TBC1D2B: variants seen among roughly 807,000 people sequenced by gnomAD.
TBC1D2B encodes TBC1 domain family, member 2B.
In TBC1D2B, 64 loss-of-function variants were observed where a neutral mutation model predicts 100.8. The ratio of observed to expected loss-of-function variants is 0.64; its 90% CI spans 0.52 to 0.78. The LOEUF is 0.78. TBC1D2B is among the 30% of genes least tolerant of loss of function. The pLI is 0.00. For synonymous variants in TBC1D2B, 480 were observed against 479.7 expected, an observed-to-expected ratio of 1.00 and a Z score of -0.01; for missense variants, 1,052 against 1,218.4, an observed-to-expected ratio of 0.86 and a Z score of 2.03.
At chr15:78,044,102 T>C (rs1422790260) in intron 3 of TBC1D2B, among the ~76,000 whole-genome samples, 1 of 150,466 alleles carries the variant, frequency 6.6e-6, no homozygotes. Flanking sequence ...CGGCTGAGGG[T>C]TGACAGAGGA....
chr15:78,050,665 T>C (rs1596325043), intron 2 of TBC1D2B, among the ~76,000 whole-genome samples: 1 of 152,168 alleles, frequency 6.6e-6, no homozygotes, highest in African/African-American at 2.4e-5. Flanking sequence ...CAGAAGACAA[T>C]GTAGAATGGT....
At chr15:78,075,123 A>G (rs1384834832) in intron 1 of TBC1D2B, among the ~76,000 whole-genome samples, 1 of 152,210 alleles carries the variant, frequency 6.6e-6, no homozygotes, top group Non-Finnish European at 1.5e-5. Context: ...CTTCAAGTTC[A>G]AGTCCATCGA....
intron 1 of TBC1D2B, among the ~76,000 whole-genome samples, chr15:78,056,808 A>AACC (rs1407210823): frequency 3.2e-4 from 48 of 148,332 alleles, no homozygotes; most frequent in African/African-American, 1.2e-3. Flanking sequence ...CCAAACCCCC[A>AACC]ACCCTTAGAG....
In TBC1D2B at chr15:77,998,344, C is replaced by T; in HGVS notation, c.2708G>A (p.Ser903Asn). ...RTILDARKLI[S>N]ISFGDLNPFP... ...AGGGTTCAGGTCCCCAAAGGAGATA[C>T]TGATCAGCTTCCTGGCAGGACGCAG... The change falls in exon 13 of 13, where the codon AGT becomes AAT. Residue 903 changes from serine to asparagine, a missense_variant. Physicochemically the swap from Ser to Asn is conservative, Grantham distance 46. Around this residue, in one of 4 missense-constraint regions of TBC1D2B, gnomAD observed 47 missense variants for 88.3 expected, o/e 0.53. Coordinates refer to ENST00000300584, the MANE Select transcript of TBC1D2B (RefSeq NM_144572.2). 1 of 1,583,694 alleles carries T rather than the reference C, an allele frequency of 6.3e-7. No homozygotes were observed. The highest frequency in any genetic ancestry group is 1.3e-5 in the African/African-American group (1 of 74,282).
intron 1 of TBC1D2B, among the ~76,000 whole-genome samples, chr15:78,073,726 C>CT (rs1412801550): frequency 6.6e-6 from 1 of 152,126 alleles, no homozygotes; most frequent in Non-Finnish European, 1.5e-5. Flanking sequence ...AACCCCAGCA[C>CT]TTTGAGAGGC....
chr15:78,018,886 T>G (rs1567017948), intron 6 of TBC1D2B, among the ~76,000 whole-genome samples: 1 of 152,206 alleles, frequency 6.6e-6, no homozygotes, highest in South Asian at 2.1e-4. Context: ...CTCTGAGCAG[T>G]GACTTCTAAA....
At chr15:78,040,091 G>A (rs1338721668) in intron 3 of TBC1D2B, among the ~76,000 whole-genome samples, 2 of 152,090 alleles carry the variant, frequency 1.3e-5, no homozygotes, top group African/African-American at 2.4e-5. Context: ...ACGCTCAACC[G>A]CCACACAGGC....
intron 3 of TBC1D2B, among the ~76,000 whole-genome samples, chr15:78,044,164 T>G (rs2073147923): frequency 6.6e-6 from 1 of 152,192 alleles, no homozygotes. Flanking sequence ...AGTTTCTTTT[T>G]GGATCGATGA....
chr15:78,062,587 T>C (rs1232888123), intron 1 of TBC1D2B, among the ~76,000 whole-genome samples: 1 of 152,176 alleles, frequency 6.6e-6, no homozygotes, highest in Non-Finnish European at 1.5e-5. Flanking sequence ...TCACCAGAAA[T>C]AACCTCCATC....
intron 1 of TBC1D2B, among the ~76,000 whole-genome samples, chr15:78,073,549 T>A (rs1166832465): frequency 1.3e-5 from 2 of 152,176 alleles, no homozygotes; most frequent in Non-Finnish European, 2.9e-5. Flanking sequence ...CATTAAGGCT[T>A]AAGGGAATCA....
At chr15:78,050,326 G>A (rs2073287214) in intron 2 of TBC1D2B, among the ~76,000 whole-genome samples, 1 of 152,222 alleles carries the variant, frequency 6.6e-6, no homozygotes, top group Non-Finnish European at 1.5e-5. Flanking sequence ...TTTTCTGCAA[G>A]AAATACCATC....
At chr15:78,062,602 C>T (rs780492088) in intron 1 of TBC1D2B, among the ~76,000 whole-genome samples, 5 of 152,142 alleles carry the variant, frequency 3.3e-5, no homozygotes, top group Non-Finnish European at 7.4e-5. Flanking sequence ...TCCATCAATA[C>T]TTTGGTATTT....
upstream of TBC1D2B, chr15:78,077,711 C>CGCCCCCT (rs2073857567): frequency 3.0e-6 from 3 of 984,378 alleles, no homozygotes; most frequent in East Asian, 3.4e-4. Context: ...GCGGCCGCTG[C>CGCCCCCT]GCCCCCTACC....
At position 77,997,940 on chromosome 15, in the gene TBC1D2B, C is replaced by A; in HGVS notation, c.*220G>T. The A allele has an allele frequency of 2.5e-6, 1 of 400,012 alleles. No individual in the cohort carries two copies. The highest frequency in any genetic ancestry group is 4.4e-6 in the Non-Finnish European group (1 of 226,784). The allele number at this position is 400,012 out of a possible 1,614,324, so 24.8% of individuals were successfully genotyped here. On this transcript the variant is annotated 3_prime_UTR_variant, in exon 13 of 13. Transcript: ENST00000300584. ...CCAGGCAGAAAGCGTGACTGAGATA[C>A]GTGTAACCAAAAGCATGGCACGGAA...
At chr15:78,022,197 A>T (rs55930913) in intron 6 of TBC1D2B, among the ~76,000 whole-genome samples, 7,768 of 152,178 alleles carry the variant, frequency 0.051, 394 homozygotes, top group African/African-American at 0.12. Context: ...TGTCTCTACT[A>T]AAAATATAAA....
At chr15:78,077,232 G>A (rs1228286470) in intron 1 of TBC1D2B, 61 bp downstream of exon 1, 55 of 1,403,714 alleles carry the variant, frequency 3.9e-5, no homozygotes, top group Non-Finnish European at 5.0e-5. Context: ...GCGCAAGCCA[G>A]TGGCGGAGGC....
chr15:78,075,988 T>G (rs2073822560), intron 1 of TBC1D2B, among the ~76,000 whole-genome samples: 1 of 152,152 alleles, frequency 6.6e-6, no homozygotes, highest in Admixed American at 6.5e-5. Context: ...CCTGTTGCTC[T>G]GGAGAAAGCC....
rs888940447 is a variant in TBC1D2B at position 78,077,643 on chromosome 15, C to G, written c.10G>C (p.Ala4Pro). The change falls in exon 1 of 13, where the codon GCC becomes CCC. Residue 4 changes from alanine (A) to proline (P), a missense_variant. Transcript: ENST00000300584. The stretch of plus-strand genomic sequence containing the variant: ...CCGCCCTCCTCCGCCCGGGCTCCGG[C>G]CCCCGGCATCGCTACCGCGCGCCAA... MPG[A>P]GARAEEGGGG... is the part of the protein sequence containing the mutation. The G allele has an allele frequency of 2.0e-6, 2 of 990,206 alleles. No homozygotes were observed. The highest frequency in any genetic ancestry group is 9.0e-5 in the South Asian group (2 of 22,170). 61.3% of individuals were successfully genotyped at this position (990,206 alleles called of 1,614,324 possible).
chr15:77,996,241 A>G lies in TBC1D2B; in HGVS notation c.*1919T>C, dbSNP rs2141599108. On this transcript the variant is annotated 3_prime_UTR_variant, in exon 13 of 13. Coordinates refer to ENST00000300584, the MANE Select transcript of TBC1D2B (RefSeq NM_144572.2). ...CCTGGTCAGGTGCATCTCTCAGGGC[A>G]AACTGGACAACACGAGCCTGTCCCT... 3.3e-5 allele frequency: 5 copies of G among 152,176 alleles called. 1 individual carries two copies. The South Asian group carries it at 1.0e-3, about 32-fold the overall frequency. 9.4% of individuals were successfully genotyped at this position (152,176 alleles called of 1,614,324 possible).
Sources: gnomAD v4.1 joint callset for allele counts (sites outside exome capture counted in the v4.1 genomes callset) on GRCh38, gnomAD v4.1.1 for gene constraint, gnomAD v4.1.1 regional missense constraint, MANE v1.5 for transcripts, NCBI Gene and HGNC (gene_info 2026-07-23, HGNC 2026-07-21) for gene names.